The following PPP1R3F variants were observed in gnomAD, a reference collection of about 807,000 sequenced individuals.
The protein encoded by PPP1R3F is protein phosphatase 1 regulatory subunit 3F.
PPP1R3F carries 29 observed loss-of-function variants against 24.2 expected under a neutral mutation model. The observed-to-expected ratio is 1.20, with a 90% CI of 0.89 to 1.63. PPP1R3F has a LOEUF of 1.63. Ranked by LOEUF, PPP1R3F falls within the 40% of genes most tolerant of loss-of-function variation. PPP1R3F has a pLI of 0.00. For synonymous variants in PPP1R3F, 363 were observed against 340.1 expected (o/e 1.07, Z -0.74); for missense variants, 823 against 729.3 (o/e 1.13, Z -1.48).
chrX:49,277,316 G>A lies in PPP1R3F; in HGVS notation c.1005-4090G>A, dbSNP rs145164597. Among the ~76,000 whole-genome samples, 1,039 of 112,354 alleles carry A rather than the reference G, an allele frequency of 9.2e-3. 4 individuals carry two copies. The highest frequency in any genetic ancestry group is 0.015 in the Non-Finnish European group (804 of 53,207). On this transcript the variant is annotated intron_variant, in intron 1 of 3. Transcript: ENST00000055335. ...TGGCCGGAGGAATTTGCACGCCCAGGAGACTGGCGTGCAGGCCTGAGATGG... is the reference window on the plus strand; with the variant it reads ...TGGCCGGAGGAATTTGCACGCCCAGAAGACTGGCGTGCAGGCCTGAGATGG...
chrX:49,278,527 G>T (rs1165799071), intron 1 of PPP1R3F, among the ~76,000 whole-genome samples: 1 of 112,295 alleles, frequency 8.9e-6, no homozygotes, highest in Non-Finnish European at 1.9e-5. Flanking sequence ...GTGATGTGTG[G>T]GAGGTGGCAG....
intron 3 of PPP1R3F, among the ~76,000 whole-genome samples, chrX:49,300,144 G>A (rs1336670195): frequency 2.7e-5 from 3 of 111,926 alleles, no homozygotes; most frequent in Admixed American, 9.5e-5. Flanking sequence ...GGTGGCATAG[G>A]CACAGGAGGG....
intron 3 of PPP1R3F, among the ~76,000 whole-genome samples, chrX:49,300,477 GTTTTTTTTT>G (rs35140303): frequency 4.3e-5 from 3 of 70,384 alleles, no homozygotes; most frequent in African/African-American, 2.2e-4. Flanking sequence ...TATTGCTGCT[GTTTTTTTTT>G]TTTTTTTTTT....
chrX:49,283,737 G>A (rs1051553102), intron 3 of PPP1R3F, among the ~76,000 whole-genome samples: 1 of 110,534 alleles, frequency 9.0e-6, no homozygotes, highest in Admixed American at 9.6e-5. Context: ...ACATCCAGGT[G>A]GAAATACATT....
At chrX:49,282,501 C>T (rs1054815736) in intron 3 of PPP1R3F, among the ~76,000 whole-genome samples, 6 of 79,152 alleles carry the variant, frequency 7.6e-5, no homozygotes, top group East Asian at 8.0e-4. Context: ...GTGTTGTGGG[C>T]GGGGGTCGGT....
Position 49,270,731 on chromosome X carries a change from G to C in PPP1R3F, c.862G>C (p.Ala288Pro). Residue 288 changes from alanine to proline, a missense_variant, in exon 1 of 4, where the codon GCA becomes CCA. By Grantham distance (27) the Ala-to-Pro change is conservative. Coordinates refer to ENST00000055335, the MANE Select transcript of PPP1R3F (RefSeq NM_033215.5). Reference sequence around the variant, plus strand: ...CAACTACACAGTCCTGCTCCGGATCGCACCCGCTCCCACACCCACTGATGC... The same window carrying C: ...CAACTACACAGTCCTGCTCCGGATCCCACCCGCTCCCACACCCACTGATGC... The part of the protein sequence containing the change: ...GRNYTVLLRI[A>P]PAPTPTDAEG... 1 of 1,204,855 alleles carries C rather than the reference G, an allele frequency of 8.3e-7. No individual in the cohort carries two copies. The highest frequency in any genetic ancestry group is 1.1e-6 in the Non-Finnish European group (1 of 892,257).
At position 49,286,506 on chromosome X, in the gene PPP1R3F, G is replaced by T; in HGVS notation, c.1816G>T (p.Ala606Ser). Residue 606 changes from alanine to serine, a missense_variant, in exon 4 of 4, where the codon GCC (alanine) becomes TCC (serine). Ala to Ser is a moderately conservative substitution (Grantham distance 99). Transcript: ENST00000055335. ...KESPPEILSG[A>S]RSVVATMGDV... ...ATCGCCTCCAGAAATCCTCTCCGGG[G>T]CCCGTTCTGTGGTAGCCACGATGGG... 8.3e-7 allele frequency: 1 copy of T among 1,210,042 alleles called. No homozygotes were observed.
At chrX:49,288,154 G>A (rs888049777), downstream of PPP1R3F, 2 of 112,173 alleles carry the variant, frequency 1.8e-5, no homozygotes, top group African/African-American at 6.5e-5. Context: ...ATATCTATAC[G>A]AGCTTTCTTC....
At chrX:49,276,812 A>G (rs782577803) in intron 1 of PPP1R3F, among the ~76,000 whole-genome samples, 20 of 112,261 alleles carry the variant, frequency 1.8e-4, no homozygotes, top group African/African-American at 6.5e-4. Context: ...AGTGCCCCAC[A>G]TAACTTGGTG....
At chrX:49,276,019 A>G (rs12007379) in intron 1 of PPP1R3F, among the ~76,000 whole-genome samples, 8,121 of 112,328 alleles carry the variant, frequency 0.072, 718 homozygotes, top group African/African-American at 0.25. Context: ...CTGTAGAGTG[A>G]GGAATTAATG....
intron 3 of PPP1R3F, among the ~76,000 whole-genome samples, chrX:49,298,909 C>CT (rs1284627609): frequency 9.1e-6 from 1 of 109,944 alleles, no homozygotes; most frequent in African/African-American, 3.3e-5. Flanking sequence ...TTTCTCTAAC[C>CT]TTTTTTCAAG....
intron 1 of PPP1R3F, among the ~76,000 whole-genome samples, chrX:49,271,973 G>A (rs1170147740): frequency 2.3e-4 from 26 of 112,258 alleles, no homozygotes; most frequent in Non-Finnish European, 7.5e-5. Flanking sequence ...TTCTTTTTGC[G>A]GTCACCTAAG....
downstream of PPP1R3F, among the ~76,000 whole-genome samples, chrX:49,292,233 T>C (rs1375818325): frequency 1.8e-5 from 2 of 111,882 alleles, no homozygotes; most frequent in Admixed American, 9.5e-5. Context: ...GCCGAGGGCC[T>C]GGCTTTTACT....
chrX:49,270,652 C>G lies in PPP1R3F; in HGVS notation c.783C>G (p.Phe261Leu). The change falls in exon 1 of 4, where the codon TTC becomes TTG. Residue 261 changes from phenylalanine (F) to leucine (L), a missense_variant. By Grantham distance (22) the Phe-to-Leu change is conservative. Transcript: ENST00000055335. ...CGGGCGATGGGGCGCGCCTCGACTT[C>G]GTGGTGCGCTATGAGACCCCTGAGG... Reference protein sequence around the residue: ...EGAGDGARLDFVVRYETPEGT... With the variant: ...EGAGDGARLDLVVRYETPEGT... The G allele has an allele frequency of 8.3e-7, 1 of 1,209,009 alleles. No homozygotes were observed. Among genetic ancestry groups the G allele is most frequent in the Non-Finnish European group, 1.1e-6 (1 of 894,740 alleles).
chrX:49,279,239 A>AAAAAAC (rs1323355133), intron 1 of PPP1R3F, among the ~76,000 whole-genome samples: 1 of 111,883 alleles, frequency 8.9e-6, no homozygotes, highest in African/African-American at 3.3e-5. Context: ...ACAAAATACA[A>AAAAAAC]AAAAACAAAA....
At chrX:49,299,980 A>G (rs1231388294) in intron 3 of PPP1R3F, among the ~76,000 whole-genome samples, 3 of 111,862 alleles carry the variant, frequency 2.7e-5, no homozygotes, top group Non-Finnish European at 5.6e-5. Context: ...GCTAGACCAC[A>G]TGGCTCCCTG....
In PPP1R3F at chrX:49,286,747, A is replaced by G; in HGVS notation, c.2057A>G (p.Asp686Gly). Residue 686 changes from aspartate (D) to glycine (G), a missense_variant, in exon 4 of 4, where the codon GAT becomes GGT. Asp to Gly is a moderately conservative substitution (Grantham distance 94). Coordinates refer to ENST00000055335, the MANE Select transcript of PPP1R3F (RefSeq NM_033215.5). ...ACCAGTGAGTGGGCAGGCAGCTTGG[A>G]TCCCATATCTGGCAAGGAGCCAGCC... is the stretch of plus-strand genomic sequence containing the variant. ...EVTSEWAGSL[D>G]PISGKEPASP... 8.3e-7 allele frequency: 1 copy of G among 1,204,379 alleles called. No homozygotes were observed. The highest frequency in any genetic ancestry group is 1.8e-5 in the South Asian group (1 of 55,770).
chrX:49,294,519 C>G (rs1383702617), intron 3 of PPP1R3F, among the ~76,000 whole-genome samples: 1 of 110,249 alleles, frequency 9.1e-6, no homozygotes, highest in Non-Finnish European at 1.9e-5. Flanking sequence ...TGCAGCTGGT[C>G]AGGCCTTTCA....
chrX:49,281,444 A>G lies in PPP1R3F; in HGVS notation c.1043A>G (p.Asp348Gly). The G allele has an allele frequency of 8.3e-7, 1 of 1,208,368 alleles. No individual in the cohort carries two copies. Among genetic ancestry groups the G allele is most frequent in the Non-Finnish European group, 1.1e-6 (1 of 892,757 alleles). Residue 348 changes from aspartate to glycine, a missense_variant, in exon 2 of 4, where the codon GAT becomes GGT. By Grantham distance (94) the Asp-to-Gly change is moderately conservative. Transcript: ENST00000055335. ...EEELKTKNMD[D>G]NTFAMAEHPD... ...GAACTGAAGACGAAGAACATGGATG[A>G]TAACACCTTTGCCATGGGTAAGCAA...
Sources: allele counts gnomAD v4.1 joint callset (sites outside exome capture counted in the v4.1 genomes callset), GRCh38; gene constraint gnomAD v4.1.1; transcripts MANE v1.5; gene names NCBI Gene and HGNC (gene_info 2026-07-23, HGNC 2026-07-21).